Variants in SCUBE2 observed in about 807,000 individuals in gnomAD.
The protein encoded by SCUBE2 is signal peptide, CUB domain and EGF like domain containing 2, also known as signal peptide, CUB and EGF-like domain-containing protein 2.
SCUBE2 carries 114 observed loss-of-function variants against 125.9 expected under a neutral mutation model. The ratio of observed to expected loss-of-function variants is 0.91; its 90% CI spans 0.78 to 1.06. The LOEUF (loss-of-function observed/expected upper bound fraction) is 1.06, where lower values mean the gene tolerates loss of function less well. SCUBE2 is among the 50% of genes least tolerant of loss of function. SCUBE2 has a pLI of 0.00. For missense variants in SCUBE2, 1,255 were observed against 1,301.8 expected, an observed-to-expected ratio of 0.96 and a Z score of 0.55; for synonymous variants, 459 against 492.9, an observed-to-expected ratio of 0.93 and a Z score of 0.91.
At chr11:9,029,810 C>T (rs1856132991) in intron 19 of SCUBE2, 74 bp downstream of exon 19, 8 of 1,536,260 alleles carry the variant, frequency 5.2e-6, no homozygotes, top group South Asian at 2.3e-5. Context: ...CTGCCCCGTG[C>T]CCCCTGCTCT....
chr11:9,056,438 T>TGCCC (rs1564825166), intron 9 of SCUBE2, among the ~76,000 whole-genome samples: 1 of 152,244 alleles, frequency 6.6e-6, no homozygotes, highest in African/African-American at 2.4e-5. Context: ...TAGGTTTTAA[T>TGCCC]GCCCTCTGCA....
At chr11:9,028,646 T>G (rs1856000725) in intron 19 of SCUBE2, among the ~76,000 whole-genome samples, 1 of 152,192 alleles carries the variant, frequency 6.6e-6, no homozygotes, top group Non-Finnish European at 1.5e-5. Context: ...TAGTTACAAC[T>G]GGGATTTATT....
chr11:9,036,048 C>T (rs1391623918), intron 16 of SCUBE2, among the ~76,000 whole-genome samples: 4 of 152,164 alleles, frequency 2.6e-5, no homozygotes, highest in Middle Eastern at 6.8e-3. Context: ...ACCACCATGC[C>T]GGGCTAATTT....
chr11:9,075,394 T>C (rs1004757270), intron 3 of SCUBE2, among the ~76,000 whole-genome samples: 1 of 152,118 alleles, frequency 6.6e-6, no homozygotes, highest in Non-Finnish European at 1.5e-5. Context: ...TGTCCAATTA[T>C]AAATCAGGAA....
rs941120227 is a variant in SCUBE2, at chr11:9,058,845, T to C, written c.1090+458A>G. Among the ~76,000 whole-genome samples the C allele has an allele frequency of 3.3e-5, 5 of 152,026 alleles. No individual in the cohort carries two copies. The East Asian group carries it at 7.7e-4, about 23-fold the overall frequency. On this transcript the variant is annotated intron_variant, in intron 9 of 22. Coordinates refer to ENST00000649792, the MANE Select transcript of SCUBE2 (RefSeq NM_001367977.2). The stretch of plus-strand genomic sequence containing the variant: ...ACAAGTGCTATAAGAAAGAGACCAA[T>C]TGGTACATAATCTTGATCATGGGTT...
At chr11:9,068,680 C>T (rs1188608000) in intron 5 of SCUBE2, among the ~76,000 whole-genome samples, 1 of 152,206 alleles carries the variant, frequency 6.6e-6, no homozygotes, top group Non-Finnish European at 1.5e-5. Flanking sequence ...GGTTTGAACA[C>T]TCATTTGCCA....
intron 10 of SCUBE2, among the ~76,000 whole-genome samples, chr11:9,054,734 T>TA (rs1858895523): frequency 9.8e-6 from 1 of 101,788 alleles, no homozygotes; most frequent in African/African-American, 4.0e-5. Flanking sequence ...TATTTTTTTT[T>TA]TTTTTTTTTT....
intron 3 of SCUBE2, among the ~76,000 whole-genome samples, chr11:9,078,157 G>T (rs770357276): frequency 1.3e-5 from 2 of 152,210 alleles, no homozygotes; most frequent in African/African-American, 2.4e-5. Context: ...GATTCCATTT[G>T]TCTGAGTTTT....
At chr11:9,046,759 A>G (rs1353338876) in intron 16 of SCUBE2, among the ~76,000 whole-genome samples, 1 of 152,234 alleles carries the variant, frequency 6.6e-6, no homozygotes, top group East Asian at 1.9e-4. Context: ...AATCAAGACT[A>G]TCTGGAAACC....
intron 17 of SCUBE2, among the ~76,000 whole-genome samples, chr11:9,032,762 A>G (rs1856425663): frequency 6.6e-6 from 1 of 152,214 alleles, no homozygotes; most frequent in African/African-American, 2.4e-5. Context: ...GTCACATACA[A>G]GGGTAAATTC....
chr11:9,042,195 C>G (rs1054781646), intron 16 of SCUBE2, among the ~76,000 whole-genome samples: 2 of 152,144 alleles, frequency 1.3e-5, no homozygotes, highest in Non-Finnish European at 2.9e-5. Flanking sequence ...TCTATTTTCC[C>G]AGGCACCAAG....
chr11:9,029,653 A>G (rs1278865953), intron 19 of SCUBE2, among the ~76,000 whole-genome samples: 1 of 152,232 alleles, frequency 6.6e-6, no homozygotes, highest in Non-Finnish European at 1.5e-5. Flanking sequence ...AGGCAAGTAC[A>G]GCTTGTAAGT....
chr11:9,044,680 G>T (rs1857529445), intron 16 of SCUBE2, among the ~76,000 whole-genome samples: 1 of 152,118 alleles, frequency 6.6e-6, no homozygotes, highest in Non-Finnish European at 1.5e-5. Context: ...CGGGATCAGG[G>T]TCCTCCCTGG....
chr11:9,024,153 ACT>A (rs1356562809), intron 21 of SCUBE2: 1 of 1,026,310 alleles, frequency 9.7e-7, no homozygotes, highest in Non-Finnish European at 1.2e-6. Flanking sequence ...TGGAGCTACA[ACT>A]CTTTTTCATT....
Position 9,033,737 on chromosome 11 carries a change from T to C in SCUBE2, c.2062A>G (p.Asn688Asp). The stretch of plus-strand genomic sequence containing the variant: ...CCTTCCTCATTTTGGAAGGTTCCAT[T>C]TGGACATAAAATGCAGCGTTCTCGT... ...GARERCILCP[N>D]GTFQNEEGQM... The change falls in exon 17 of 23, where the codon AAT becomes GAT. Residue 688 changes from asparagine to aspartate, a missense_variant. Transcript: ENST00000649792. The C allele has an allele frequency of 6.2e-7, 1 of 1,614,120 alleles. No individual in the cohort carries two copies. Among genetic ancestry groups the C allele is most frequent in the Non-Finnish European group, 8.5e-7 (1 of 1,180,022 alleles).
intron 16 of SCUBE2, 64 bp downstream of exon 16, chr11:9,047,292 G>T: frequency 6.4e-7 from 1 of 1,565,752 alleles, no homozygotes; most frequent in Non-Finnish European, 8.8e-7. Flanking sequence ...CTTGCCTTCG[G>T]TTACCCTGAG....
chr11:9,071,015 A>G (rs1860747362), intron 4 of SCUBE2, among the ~76,000 whole-genome samples: 1 of 152,172 alleles, frequency 6.6e-6, no homozygotes, highest in African/African-American at 2.4e-5. Context: ...CTGGCTGGTA[A>G]TTCCGAAGAT....
chr11:9,072,378 TTTTGTA>T (rs1287700484), intron 4 of SCUBE2, among the ~76,000 whole-genome samples: 2 of 152,070 alleles, frequency 1.3e-5, no homozygotes, highest in African/African-American at 2.4e-5. Flanking sequence ...CCGGCTAATT[TTTTGTA>T]TTTTTAGTAG....
At chr11:9,088,843 G>C (rs961893568) in intron 2 of SCUBE2, among the ~76,000 whole-genome samples, 2 of 152,194 alleles carry the variant, frequency 1.3e-5, no homozygotes, top group African/African-American at 4.8e-5. Context: ...TATGAGAAAC[G>C]TGGGGTTGGG....
Sources: allele counts gnomAD v4.1 joint callset (sites outside exome capture counted in the v4.1 genomes callset), GRCh38; gene constraint gnomAD v4.1.1; transcripts MANE v1.5; gene names NCBI Gene and HGNC (gene_info 2026-07-23, HGNC 2026-07-21).